Variants in FGF7 observed in about 807,000 individuals in gnomAD.
The protein encoded by FGF7 is FGF-7.
FGF7 carries 6 observed loss-of-function variants against 20.5 expected under a neutral mutation model. The ratio of observed to expected loss-of-function variants is 0.29; its 90% confidence interval spans 0.16 to 0.58. FGF7 has a LOEUF of 0.58. FGF7 is among the 20% of genes least tolerant of loss of function. FGF7 has a pLI of 0.90. For missense variants in FGF7, 144 were observed against 228.8 expected (o/e 0.63, Z 2.39); for synonymous variants, 64 against 74.7 (o/e 0.86, Z 0.74).
intron 2 of FGF7, among the ~76,000 whole-genome samples, chr15:49,477,016 C>A (rs1190905933): frequency 6.6e-6 from 1 of 151,210 alleles, no homozygotes; most frequent in Non-Finnish European, 1.5e-5. Flanking sequence ...GCGGAGATCC[C>A]GCCACTGCAC....
rs527670640 is a variant in FGF7 at position 49,458,091 on chromosome 15, A to G, written c.287-25060A>G. Reference sequence around the variant, plus strand: ...GTAAAAATTCTCTGAAAACTTAGTGAAAGGTGCTGAGGTAGGGCTTCAGCT... The same window carrying G: ...GTAAAAATTCTCTGAAAACTTAGTGGAAGGTGCTGAGGTAGGGCTTCAGCT... On this transcript the variant is annotated intron_variant, in intron 2 of 3. Coordinates refer to ENST00000267843, the MANE Select transcript of FGF7 (RefSeq NM_002009.4). Among the ~76,000 whole-genome samples the G allele has an allele frequency of 3.3e-5, 5 of 152,102 alleles. No individual in the cohort carries two copies. In the South Asian group the frequency reaches 6.2e-4, roughly 19 times the overall value.
intron 2 of FGF7, among the ~76,000 whole-genome samples, chr15:49,440,726 G>T (rs1332265440): frequency 6.6e-6 from 1 of 151,682 alleles, no homozygotes; most frequent in Non-Finnish European, 1.5e-5. Flanking sequence ...CAGTTTGACA[G>T]TCAGAGACTG....
intron 2 of FGF7, among the ~76,000 whole-genome samples, chr15:49,465,124 A>G (rs2054144805): frequency 6.6e-6 from 1 of 151,736 alleles, no homozygotes; most frequent in Admixed American, 6.6e-5. Flanking sequence ...TGTCCTTCTT[A>G]ATTTTATTTT....
chr15:49,474,220 A>G (rs949891510), intron 2 of FGF7, among the ~76,000 whole-genome samples: 5 of 152,172 alleles, frequency 3.3e-5, no homozygotes, highest in Non-Finnish European at 5.9e-5. Context: ...TCTTGCTGAG[A>G]TACTTATTTT....
rs149399237 is a variant in FGF7, at chr15:49,446,270, T to C, written c.286+21687T>C. The stretch of plus-strand genomic sequence containing the variant: ...ATGTTACATGGAATCAAAGGGCAAT[T>C]AGATCTAGTTCATTAAGATTTAAAT... On this transcript the variant is annotated intron_variant, in intron 2 of 3. Coordinates refer to ENST00000267843, the MANE Select transcript of FGF7 (RefSeq NM_002009.4). 1.1e-3 allele frequency among the ~76,000 whole-genome samples: 166 copies of C among 151,600 alleles called. 3 individuals are homozygous for C. The highest frequency in any genetic ancestry group is 9.6e-3 in the Admixed American group (145 of 15,168).
intron 2 of FGF7, among the ~76,000 whole-genome samples, chr15:49,479,342 T>C (rs530561785): frequency 2.5e-4 from 38 of 152,228 alleles, no homozygotes; most frequent in South Asian, 2.5e-3. Flanking sequence ...CTTTAAATCT[T>C]TGGAAATAAA....
rs1309018488 is a variant in FGF7 at position 49,476,214 on chromosome 15, TTTGTTTTTTTGTTTTTGG to T, written c.287-6934_287-6917del. ...TCTGAATTCCTATTTATTTTGCTGT[TTTGTTTTTTTGTTTTTGG>T]TTTTTTTTTTTTTGCATTTGGCATA... On this transcript the variant is annotated intron_variant, in intron 2 of 3. Transcript: ENST00000267843. Among the ~76,000 whole-genome samples the T allele has an allele frequency of 9.4e-5, 12 of 128,042 alleles. 1 individual carries two copies. The highest frequency in any genetic ancestry group is 1.4e-4 in the African/African-American group (5 of 35,478). 84.0% of individuals were successfully genotyped at this position (128,042 alleles called of 152,430 possible). A position where few individuals can be genotyped will look rare whatever the true frequency, so the allele number is the denominator to read the frequency against.
chr15:49,463,279 C>T (rs1254082412), intron 2 of FGF7, among the ~76,000 whole-genome samples: 1 of 152,186 alleles, frequency 6.6e-6, no homozygotes, highest in Admixed American at 6.5e-5. Flanking sequence ...TTCGGCCAGG[C>T]ACAGTGGCTC....
At chr15:49,467,776 G>A (rs1447381997) in intron 2 of FGF7, among the ~76,000 whole-genome samples, 1 of 152,098 alleles carries the variant, frequency 6.6e-6, no homozygotes, top group Non-Finnish European at 1.5e-5. Flanking sequence ...ATTTCCTCCT[G>A]TCTGATTCAG....
intron 2 of FGF7, among the ~76,000 whole-genome samples, chr15:49,475,512 T>A (rs2055180314): frequency 6.6e-6 from 1 of 152,200 alleles, no homozygotes; most frequent in Non-Finnish European, 1.5e-5. Flanking sequence ...TAAACTTTAA[T>A]ATTAAGATAG....
intron 2 of FGF7, among the ~76,000 whole-genome samples, chr15:49,466,993 C>T (rs2054320754): frequency 6.6e-6 from 1 of 152,114 alleles, no homozygotes; most frequent in Admixed American, 6.6e-5. Flanking sequence ...TTTAATTTTT[C>T]CATGCTGATG....
At chr15:49,424,924 A>G (rs1258957956) in intron 2 of FGF7, 1 of 162,446 alleles carries the variant, frequency 6.2e-6, no homozygotes. Context: ...TAAGATATCT[A>G]ATTTAGAACT....
At chr15:49,433,278 AT>A (rs1423527120) in intron 2 of FGF7, among the ~76,000 whole-genome samples, 4 of 151,362 alleles carry the variant, frequency 2.6e-5, no homozygotes, top group Non-Finnish European at 3.0e-5. Flanking sequence ...TTCTGTTTGC[AT>A]TTGGCACTGT....
chr15:49,468,824 G>A (rs1567336156), intron 2 of FGF7, among the ~76,000 whole-genome samples: 1 of 152,112 alleles, frequency 6.6e-6, no homozygotes, highest in African/African-American at 2.4e-5. Context: ...TGACAAAAGA[G>A]GTTTGTCTTC....
intron 2 of FGF7, among the ~76,000 whole-genome samples, chr15:49,469,653 A>T (rs2054560979): frequency 6.6e-6 from 1 of 152,156 alleles, no homozygotes; most frequent in Non-Finnish European, 1.5e-5. Flanking sequence ...TTTTACTATA[A>T]GGCAGACAAA....
chr15:49,479,879 G>C (rs1378724251), intron 2 of FGF7, among the ~76,000 whole-genome samples: 1 of 152,196 alleles, frequency 6.6e-6, no homozygotes, highest in African/African-American at 2.4e-5. Flanking sequence ...CTCCCAAAGT[G>C]CTGGGATTAC....
chr15:49,442,248 C>T (rs1319653764), intron 2 of FGF7, among the ~76,000 whole-genome samples: 1 of 151,506 alleles, frequency 6.6e-6, no homozygotes, highest in East Asian at 2.0e-4. Flanking sequence ...AGACTATAAA[C>T]ATCCATACTT....
chr15:49,483,523 G>A (rs1567367845), intron 3 of FGF7, among the ~76,000 whole-genome samples: 1 of 151,948 alleles, frequency 6.6e-6, no homozygotes, highest in Non-Finnish European at 1.5e-5. Flanking sequence ...AAAATTCCAT[G>A]TGCATTTTAG....
At chr15:49,459,170 T>C (rs1299808788) in intron 2 of FGF7, among the ~76,000 whole-genome samples, 6 of 151,684 alleles carry the variant, frequency 4.0e-5, no homozygotes, top group Non-Finnish European at 8.8e-5. Context: ...TGTGCGTGTA[T>C]GTTTCTCACA....
Sources: gnomAD v4.1 joint callset for allele counts (sites outside exome capture counted in the v4.1 genomes callset) on GRCh38, gnomAD v4.1.1 for gene constraint, MANE v1.5 for transcripts, NCBI Gene and HGNC (gene_info 2026-07-23, HGNC 2026-07-21) for gene names.